Variants in KIF4A observed in about 807,000 individuals in gnomAD.
KIF4A encodes the protein kinesin family member 4A, also known as chromosome-associated kinesin KIF4A.
Under a neutral mutation model 105.9 loss-of-function variants are expected in KIF4A, and 7 were observed. The ratio of observed to expected loss-of-function variants is 0.07; its 90% CI spans 0.04 to 0.12. The LOEUF is 0.12. Among genes scored for constraint, KIF4A ranks in the 10% least tolerant of loss-of-function variants. The pLI, the probability that KIF4A is intolerant of heterozygous loss-of-function variation, is 1.00. For synonymous variants in KIF4A, 281 were observed against 331.3 expected (o/e 0.85, Z 1.65); for missense variants, 558 against 929.2 (o/e 0.60, Z 5.19).
chrX:70,415,343 C>T, intron 28 of KIF4A: 1 of 276,087 alleles, frequency 3.6e-6, no homozygotes, highest in Non-Finnish European at 6.8e-6. Context: ...GGTGCTGTTG[C>T]TCACGCCTGT....
At chrX:70,294,283 T>C (rs1036519016) in intron 3 of KIF4A, among the ~76,000 whole-genome samples, 15 of 112,071 alleles carry the variant, frequency 1.3e-4, no homozygotes, top group African/African-American at 4.9e-4. Flanking sequence ...AGAGCTGTCA[T>C]CTCCTATGAC....
chrX:70,415,998 G>A (rs1275502278), intron 28 of KIF4A, among the ~76,000 whole-genome samples: 1 of 106,821 alleles, frequency 9.4e-6, no homozygotes, highest in Non-Finnish European at 1.9e-5. Context: ...CTCCTGAGTA[G>A]CTGGGATTAC....
At chrX:70,310,973 A>G (rs999508184) in intron 7 of KIF4A, among the ~76,000 whole-genome samples, 2 of 109,433 alleles carry the variant, frequency 1.8e-5, no homozygotes, top group Admixed American at 9.8e-5. Flanking sequence ...CAAAAAATAA[A>G]AAATTAGCCA....
At chrX:70,404,359 GA>G (rs762754974) in intron 24 of KIF4A, among the ~76,000 whole-genome samples, 5 of 111,026 alleles carry the variant, frequency 4.5e-5, no homozygotes, top group South Asian at 3.9e-4. Flanking sequence ...CCAGGAGAGT[GA>G]AACCCCATCT....
intron 7 of KIF4A, among the ~76,000 whole-genome samples, chrX:70,312,214 G>A (rs748757944): frequency 1.6e-3 from 157 of 97,326 alleles, no homozygotes; most frequent in African/African-American, 5.2e-3. Context: ...GCATGATCTT[G>A]GCTAACTGCA....
At chrX:70,339,063 T>C (rs1342680532) in intron 10 of KIF4A, among the ~76,000 whole-genome samples, 4 of 95,389 alleles carry the variant, frequency 4.2e-5, no homozygotes. Context: ...CCAGCCTGGG[T>C]GACAGAGCGA....
intron 19 of KIF4A, 52 bp from the exon 20 acceptor site, chrX:70,387,132 A>AT (rs571605365): frequency 0.015 from 10,064 of 653,415 alleles, 1 homozygote; most frequent in Non-Finnish European, 0.017. Context: ...TAGAAATTGG[A>AT]TTTTTTTTTT....
Position 70,420,132 on chromosome X carries a change from A to T in KIF4A, c.3566A>T (p.Asp1189Val), listed in dbSNP as rs190558035. The T allele has an allele frequency of 4.6e-5, 56 of 1,208,344 alleles. No homozygotes were observed. In the East Asian group the frequency reaches 1.7e-3, roughly 36 times the overall value. ...KKTPPAPSPF[D>V]LPELKHVATE... Reference sequence around the variant, plus strand: ...ACTCCCCCAGCTCCCTCCCCTTTTGACCTCCCAGAGTTGAAACATGTAGCA... The same window carrying T: ...ACTCCCCCAGCTCCCTCCCCTTTTGTCCTCCCAGAGTTGAAACATGTAGCA... The change falls in exon 31 of 31, where the codon GAC becomes GTC. Residue 1189 changes from aspartate (D) to valine (V), a missense_variant. By Grantham distance (152) the Asp-to-Val change is radical. Transcript: ENST00000374403.
intron 15 of KIF4A, among the ~76,000 whole-genome samples, chrX:70,370,352 A>G (rs1409896256): frequency 9.1e-6 from 1 of 110,101 alleles, no homozygotes; most frequent in East Asian, 2.8e-4. Flanking sequence ...GGGTTGAGGC[A>G]GTCAAGGAGA....
chrX:70,309,618 A>G (rs2085840817), intron 7 of KIF4A, among the ~76,000 whole-genome samples: 2 of 112,568 alleles, frequency 1.8e-5, no homozygotes, highest in African/African-American at 6.4e-5. Context: ...AAAATTGTAA[A>G]TGTTTAAAGT....
intron 20 of KIF4A, among the ~76,000 whole-genome samples, chrX:70,390,467 CT>C (rs892266026): frequency 1.8e-5 from 2 of 111,015 alleles, no homozygotes; most frequent in African/African-American, 6.5e-5. Context: ...GAAGAAGTTC[CT>C]TTTTTTAGCT....
chrX:70,357,686 A>G (rs2086057557), intron 15 of KIF4A, among the ~76,000 whole-genome samples: 1 of 112,494 alleles, frequency 8.9e-6, no homozygotes, highest in African/African-American at 3.2e-5. Flanking sequence ...TGGGTTTACA[A>G]TTCTATAGAA....
At chrX:70,390,195 C>T (rs772432644) in intron 20 of KIF4A, among the ~76,000 whole-genome samples, 1 of 111,423 alleles carries the variant, frequency 9.0e-6, no homozygotes, top group African/African-American at 3.3e-5. Context: ...TTGTAGAGTT[C>T]TTAAGATTTT....
intron 18 of KIF4A, among the ~76,000 whole-genome samples, chrX:70,377,777 AAT>A (rs1332483170): frequency 8.9e-5 from 10 of 111,863 alleles, no homozygotes; most frequent in Non-Finnish European, 1.9e-4. Context: ...GTCTATTAAA[AAT>A]ACAAAAATTA....
intron 15 of KIF4A, among the ~76,000 whole-genome samples, chrX:70,362,810 G>C (rs1438529678): frequency 1.8e-5 from 2 of 112,160 alleles, no homozygotes; most frequent in East Asian, 5.6e-4. Context: ...GGCATTACAG[G>C]CATGAGCCAC....
chrX:70,371,732 C>G (rs1335262255), intron 15 of KIF4A, among the ~76,000 whole-genome samples: 1 of 109,023 alleles, frequency 9.2e-6, no homozygotes, highest in Admixed American at 9.5e-5. Flanking sequence ...CCGGACGGGG[C>G]GGCTGCTGGG....
chrX:70,331,454 A>T (rs1460752457), intron 9 of KIF4A, among the ~76,000 whole-genome samples: 1 of 111,483 alleles, frequency 9.0e-6, no homozygotes, highest in African/African-American at 3.3e-5. Context: ...TTATATTTAC[A>T]CTATACTGTA....
chrX:70,370,738 C>T (rs1012810269), intron 15 of KIF4A, among the ~76,000 whole-genome samples: 2 of 109,229 alleles, frequency 1.8e-5, no homozygotes, highest in Non-Finnish European at 3.8e-5. Context: ...GAGTTCGAGA[C>T]CAGCCTGGCC....
chrX:70,313,077 A>C, intron 7 of KIF4A, among the ~76,000 whole-genome samples: 1 of 111,568 alleles, frequency 9.0e-6, no homozygotes, highest in Non-Finnish European at 1.9e-5. Flanking sequence ...TGTATTATTC[A>C]GATCCTCATG....
Sources: gnomAD v4.1 joint callset for allele counts (sites outside exome capture counted in the v4.1 genomes callset) on GRCh38, gnomAD v4.1.1 for gene constraint, MANE v1.5 for transcripts, NCBI Gene and HGNC (gene_info 2026-07-23, HGNC 2026-07-21) for gene names.